Variants in RAB11FIP3 observed in about 807,000 individuals in gnomAD.
The protein encoded by RAB11FIP3 is rab11 family-interacting protein 3.
In RAB11FIP3, 17 loss-of-function variants were observed where a neutral mutation model predicts 77.8. The ratio of observed to expected loss-of-function variants is 0.22; its 90% confidence interval spans 0.15 to 0.33. The LOEUF (loss-of-function observed/expected upper bound fraction) is 0.33. RAB11FIP3 is among the 10% of genes least tolerant of loss of function. RAB11FIP3 has a pLI of 1.00. For missense variants in RAB11FIP3, 1,005 were observed against 1,011.2 expected (o/e 0.99, Z 0.08); for synonymous variants, 437 against 448.2 (o/e 0.98, Z 0.31).
At chr16:512,539 C>CTTTT (rs766027431) in intron 9 of RAB11FIP3, among the ~76,000 whole-genome samples, 2 of 105,606 alleles carry the variant, frequency 1.9e-5, no homozygotes, top group African/African-American at 7.8e-5. Flanking sequence ...CGCGCCCGGC[C>CTTTT]TTTTTTTTTT....
chr16:486,479 C>T (rs1322281967), intron 4 of RAB11FIP3, among the ~76,000 whole-genome samples: 1 of 152,146 alleles, frequency 6.6e-6, no homozygotes, highest in Admixed American at 6.5e-5. Flanking sequence ...GGCGACAGAG[C>T]GAGACTCTAT....
intron 1 of RAB11FIP3, among the ~76,000 whole-genome samples, chr16:455,831 TC>T (rs2055494420): frequency 6.6e-6 from 1 of 152,172 alleles, no homozygotes; most frequent in African/African-American, 2.4e-5. Context: ...GCTCAAGTGA[TC>T]CATCCGCCTT....
chr16:487,913 A>C (rs2385130), intron 4 of RAB11FIP3, among the ~76,000 whole-genome samples: 2 of 151,880 alleles, frequency 1.3e-5, no homozygotes, highest in African/African-American at 2.4e-5. Flanking sequence ...TGAGGACAGC[A>C]GCTCCCTAGG....
Position 507,164 on chromosome 16 carries a change from T to G in RAB11FIP3, c.1499+1537T>G. On this transcript the variant is annotated intron_variant, in intron 8 of 13. Transcript: ENST00000262305. This position sits in a 1 kb window ranked among gnomAD's most constrained non-coding sequence, Gnocchi z 4.6. ...GTCTCTCTCTGTCTCCAGGCTGGAGTGCAGTGGCGCAATCTTGGCTCACCG... is the reference window on the plus strand; with the variant it reads ...GTCTCTCTCTGTCTCCAGGCTGGAGGGCAGTGGCGCAATCTTGGCTCACCG... Among the ~76,000 whole-genome samples, 1 of 148,246 alleles carries G rather than the reference T, an allele frequency of 6.7e-6. No individual in the cohort carries two copies. The highest frequency in any genetic ancestry group is 2.5e-5 in the African/African-American group (1 of 39,634).
intron 1 of RAB11FIP3, among the ~76,000 whole-genome samples, chr16:437,864 C>G (rs1368454374): frequency 6.6e-6 from 1 of 152,254 alleles, no homozygotes; most frequent in Non-Finnish European, 1.5e-5. Flanking sequence ...ACGATCTTGG[C>G]TCATTCTTGG....
rs758096792 is a variant in RAB11FIP3, at chr16:505,338, C to T, written c.1396-186C>T. 2.2e-4 allele frequency among the ~76,000 whole-genome samples: 33 copies of T among 152,282 alleles called. No individual in the cohort carries two copies. Among genetic ancestry groups the T allele is most frequent in the Non-Finnish European group, 4.1e-4 (28 of 68,028 alleles). ...GTCGAATGACAGTGCTCCCCAAGAC[C>T]CCGGCCCCATTAGGAGCTGCACCTT... On this transcript the variant is annotated intron_variant, in intron 7 of 13. Transcript: ENST00000262305. This position sits in a 1 kb window ranked among gnomAD's most constrained non-coding sequence, Gnocchi z 4.0.
At chr16:469,756 C>G (rs1425865864) in intron 2 of RAB11FIP3, among the ~76,000 whole-genome samples, 1 of 152,162 alleles carries the variant, frequency 6.6e-6, no homozygotes, top group Non-Finnish European at 1.5e-5. Context: ...AACTCCTGGA[C>G]TTAAGCAATC....
Position 491,371 on chromosome 16 carries a change from C to T in RAB11FIP3, c.1265+2371C>T, listed in dbSNP as rs531016905. ...CCTGCCCCGAGGCGACCAGGAGCCT[C>T]TCAGGCAGCGGGACTCTCCCTGGGG... On this transcript the variant is annotated intron_variant, in intron 5 of 13. Transcript: ENST00000262305. The T allele has an allele frequency of 2.5e-6, 3 of 1,191,346 alleles. No homozygotes were observed. The African/African-American group carries it at 4.7e-5, about 19-fold the overall frequency. The allele number at this position is 1,191,346 out of a possible 1,614,324, so 73.8% of individuals were successfully genotyped here.
rs577422242 is a variant in RAB11FIP3 at position 440,062 on chromosome 16, G to C, written c.714+13342G>C. Among the ~76,000 whole-genome samples, 12 of 152,010 alleles carry C rather than the reference G, an allele frequency of 7.9e-5. No homozygotes were observed. In the South Asian group the frequency reaches 2.5e-3, roughly 32 times the overall value. Reference sequence around the variant, plus strand: ...TCACTGTGTTAGCCAGGATGGTCTCGATCTCCTGACCTCATGATCCGCCCC... The same window carrying C: ...TCACTGTGTTAGCCAGGATGGTCTCCATCTCCTGACCTCATGATCCGCCCC... On this transcript the variant is annotated intron_variant, in intron 1 of 13. Transcript: ENST00000262305.
chr16:433,980 T>TG (rs1221116570), intron 1 of RAB11FIP3, among the ~76,000 whole-genome samples: 4 of 152,132 alleles, frequency 2.6e-5, no homozygotes, highest in Non-Finnish European at 5.9e-5. Flanking sequence ...GCAGTAAACA[T>TG]GGGGTGCAGG....
At chr16:483,495 A>C (rs1310485608) in intron 4 of RAB11FIP3, among the ~76,000 whole-genome samples, 1 of 152,210 alleles carries the variant, frequency 6.6e-6, no homozygotes, top group Non-Finnish European at 1.5e-5. Flanking sequence ...CAGCGACAGC[A>C]CACCACATTC....
intron 6 of RAB11FIP3, among the ~76,000 whole-genome samples, chr16:499,923 T>C (rs769352510): frequency 1.1e-4 from 16 of 152,218 alleles, no homozygotes; most frequent in Non-Finnish European, 2.2e-4. Context: ...ATCTGTTGTT[T>C]TGCCCCAAAT....
rs2055808595 is a variant in RAB11FIP3, at chr16:471,522, T to G, written c.903+133T>G. On this transcript the variant is annotated intron_variant, in intron 3 of 13. Transcript: ENST00000262305. The surrounding 1 kb of genome is among the most constrained non-coding windows in gnomAD (Gnocchi z 4.4). The stretch of plus-strand genomic sequence containing the variant: ...CGTGAAGGAAGGGCCTCCCGCCCTG[T>G]GTGCACCGTGGGGCTCTGTGGCTGT... 1 of 750,438 alleles carries G rather than the reference T, an allele frequency of 1.3e-6. No individual in the cohort carries two copies. The highest frequency in any genetic ancestry group is 2.3e-6 in the Non-Finnish European group (1 of 442,138). The allele number at this position is 750,438 out of a possible 1,614,324, so 46.5% of individuals were successfully genotyped here.
At chr16:492,536 G>GCCCAGGGCCC (rs1567392709) in intron 5 of RAB11FIP3, among the ~76,000 whole-genome samples, 13 of 145,722 alleles carry the variant, frequency 8.9e-5, no homozygotes, top group Admixed American at 2.8e-4. Flanking sequence ...ACCCGAGGCC[G>GCCCAGGGCCC]TCCAGAATCT....
intron 1 of RAB11FIP3, among the ~76,000 whole-genome samples, chr16:455,642 G>A (rs535159932): frequency 3.8e-4 from 58 of 152,168 alleles, no homozygotes; most frequent in African/African-American, 1.4e-3. Flanking sequence ...TGTCGCCCAC[G>A]TGGAATGCAG....
intron 1 of RAB11FIP3, among the ~76,000 whole-genome samples, chr16:446,175 T>C (rs955540326): frequency 3.3e-5 from 5 of 152,034 alleles, no homozygotes; most frequent in Non-Finnish European, 5.9e-5. Context: ...GCCCAAGAGT[T>C]TGAAGCTGCA....
Position 522,044 on chromosome 16 carries a change from T to TGTGTGCGCGCATGTGTGCGCGCGCGTGC in RAB11FIP3, c.*1205_*1206insGTGTGCGCGCATGTGTGCGCGCGCGTGC, listed in dbSNP as rs58290701. On this transcript the variant is annotated 3_prime_UTR_variant, in exon 14 of 14. Coordinates refer to ENST00000262305, the MANE Select transcript of RAB11FIP3 (RefSeq NM_014700.4). ...CGCTGCGTGTGTGTGCGCGCGCGTG[T>TGTGTGCGCGCATGTGTGCGCGCGCGTGC]ACGTGTGGCCCCACATCCGCCGCCT... 1 of 151,850 alleles carries TGTGTGCGCGCATGTGTGCGCGCGCGTGC rather than the reference T, an allele frequency of 6.6e-6. No homozygotes were observed. Among genetic ancestry groups the TGTGTGCGCGCATGTGTGCGCGCGCGTGC allele is most frequent in the African/African-American group, 2.4e-5 (1 of 41,348 alleles). The allele number at this position is 151,850 out of a possible 1,614,324, so 9.4% of individuals were successfully genotyped here. A position where few individuals can be genotyped will look rare whatever the true frequency, so the allele number is the denominator to read the frequency against.
At chr16:446,825 C>T (rs192751000) in intron 1 of RAB11FIP3, among the ~76,000 whole-genome samples, 5 of 152,150 alleles carry the variant, frequency 3.3e-5, no homozygotes, top group Admixed American at 3.3e-4. Flanking sequence ...CTCAGCCTCC[C>T]GAGTAGCTGG....
chr16:498,699 TG>T (rs1414828554), intron 6 of RAB11FIP3, among the ~76,000 whole-genome samples: 1 of 152,032 alleles, frequency 6.6e-6, no homozygotes, highest in Admixed American at 6.6e-5. Context: ...TTTAATTTTT[TG>T]TAGAGACAGG....
Sources: allele counts gnomAD v4.1 joint callset (sites outside exome capture counted in the v4.1 genomes callset), GRCh38; gene constraint gnomAD v4.1.1; non-coding constraint Gnocchi (gnomAD v3.1); transcripts MANE v1.5; gene names NCBI Gene and HGNC (gene_info 2026-07-23, HGNC 2026-07-21).